Variants in DENND4C observed in about 807,000 individuals in gnomAD.
The protein encoded by DENND4C is DENN domain-containing protein 4C.
In DENND4C, 108 loss-of-function variants were observed where a neutral mutation model predicts 203.0. That is an observed-to-expected ratio of 0.53 (90% CI 0.46 to 0.62). DENND4C has a LOEUF of 0.62. Among genes scored for constraint, DENND4C ranks in the 20% least tolerant of loss-of-function variants. The pLI, the probability that DENND4C is intolerant of heterozygous loss-of-function variation, is 0.00. For missense variants in DENND4C, 2,481 were observed against 2,301.2 expected (o/e 1.08, Z -1.60); for synonymous variants, 871 against 792.4 (o/e 1.10, Z -1.67).
At chr9:19,278,236 A>C (rs1833307514) in intron 2 of DENND4C, among the ~76,000 whole-genome samples, 1 of 151,986 alleles carries the variant, frequency 6.6e-6, no homozygotes, top group African/African-American at 2.4e-5. Context: ...CCCGGGTTCA[A>C]GTGATTCTCC....
chr9:19,283,134 G>C (rs1384683156), intron 2 of DENND4C, among the ~76,000 whole-genome samples: 1 of 151,754 alleles, frequency 6.6e-6, no homozygotes, highest in Non-Finnish European at 1.5e-5. Context: ...TAAAGTGCTG[G>C]GATTATAGAT....
intron 30 of DENND4C, among the ~76,000 whole-genome samples, chr9:19,364,527 C>T (rs188871453): frequency 2.5e-4 from 38 of 152,232 alleles, no homozygotes; most frequent in Middle Eastern, 6.8e-3. Flanking sequence ...GCACCCTGCT[C>T]ATAAAGCAGG....
At position 19,328,149 on chromosome 9, in the gene DENND4C, A is replaced by G. The variant is rs1818218316; in HGVS notation, c.2240A>G (p.Lys747Arg). 6.2e-7 allele frequency: 1 copy of G among 1,609,264 alleles called. No homozygotes were observed. The highest frequency in any genetic ancestry group is 8.5e-7 in the Non-Finnish European group (1 of 1,178,708). ...ACAAAGAGTCCACCTCTCATGGCTA[A>G]GAGAACTAAACAGGTCAGATATTCT... ...SITKSPPLMA[K>R]RTKQEIKTAH... The change falls in exon 16 of 33, where the codon AAG becomes AGG. Residue 747 changes from lysine (K) to arginine (R), a missense_variant. Lys to Arg is a conservative substitution (Grantham distance 26). This residue lies in a region of DENND4C where 2,289 missense variants were observed against 2,113.3 expected (regional missense o/e 1.08). Coordinates refer to ENST00000434457, the MANE Select transcript of DENND4C (RefSeq NM_001330640.2).
At chr9:19,334,290 A>T (rs538611057) in intron 17 of DENND4C, among the ~76,000 whole-genome samples, 60 of 152,174 alleles carry the variant, frequency 3.9e-4, no homozygotes, top group African/African-American at 1.3e-3. Flanking sequence ...ACCTCAGGTG[A>T]TCTGCCTGCC....
chr9:19,234,910 A>G (rs1329731), intron 1 of DENND4C, among the ~76,000 whole-genome samples: 42,243 of 150,898 alleles, frequency 0.28, 5,968 homozygotes, highest in Admixed American at 0.31. Context: ...CCATGGGTCT[A>G]TGCCAAATTA....
chr9:19,330,333 GTT>G (rs398010417), intron 16 of DENND4C, among the ~76,000 whole-genome samples: 25,791 of 96,772 alleles, frequency 0.27, 2,964 homozygotes, highest in East Asian at 0.37. Context: ...TACCAAGTTG[GTT>G]TTTTTTTTTT....
At chr9:19,356,171 T>C (rs905888071) in intron 26 of DENND4C, among the ~76,000 whole-genome samples, 6 of 152,114 alleles carry the variant, frequency 3.9e-5, no homozygotes, top group African/African-American at 1.4e-4. Context: ...CACCTATCTG[T>C]CTCTCCACCA....
chr9:19,269,682 T>G (rs774631462), intron 1 of DENND4C, among the ~76,000 whole-genome samples: 2 of 152,212 alleles, frequency 1.3e-5, no homozygotes, highest in African/African-American at 2.4e-5. Context: ...TCATTGAGCT[T>G]CTTTAAAACA....
At chr9:19,371,904 TAA>T in intron 32 of DENND4C, 84 bp downstream of exon 32, 1 of 1,276,112 alleles carries the variant, frequency 7.8e-7, no homozygotes, top group Non-Finnish European at 1.1e-6. Flanking sequence ...CTGGTATGTA[TAA>T]AAGATTTAAA....
At chr9:19,270,577 T>G (rs571884140) in intron 1 of DENND4C, among the ~76,000 whole-genome samples, 1 of 152,368 alleles carries the variant, frequency 6.6e-6, no homozygotes, top group East Asian at 1.9e-4. Context: ...TATATCACAT[T>G]TTTAAAAATC....
In DENND4C at chr9:19,342,774, G is replaced by T; in HGVS notation, c.3146G>T (p.Ser1049Ile). ...TTTGATGTCAACAGCAGGAAAAGTA[G>T]CACTGGTGAGTCTTTACATTTTGGT... is the stretch of plus-strand genomic sequence containing the variant. ...GIFDVNSRKS[S>I]TGSISNVLFS... The change falls in exon 22 of 33, where the codon AGC (serine) becomes ATC (isoleucine). Residue 1049 changes from serine to isoleucine, a missense_variant. Coordinates refer to ENST00000434457, the MANE Select transcript of DENND4C (RefSeq NM_001330640.2). 6.2e-7 allele frequency: 1 copy of T among 1,600,438 alleles called. No individual in the cohort carries two copies. The highest frequency in any genetic ancestry group is 8.5e-7 in the Non-Finnish European group (1 of 1,174,590).
chr9:19,373,518 C>CT lies in DENND4C; in HGVS notation c.*1347dup, dbSNP rs1481686432. 1 of 152,526 alleles carries CT rather than the reference C, an allele frequency of 6.6e-6. No individual in the cohort carries two copies. Among genetic ancestry groups the CT allele is most frequent in the Admixed American group, 6.5e-5 (1 of 15,274 alleles). The allele number at this position is 152,526 out of a possible 1,614,324, so 9.4% of individuals were successfully genotyped here. A position where few individuals can be genotyped will look rare whatever the true frequency, so the allele number is the denominator to read the frequency against. On this transcript the variant is annotated 3_prime_UTR_variant, in exon 33 of 33. Transcript: ENST00000434457. ...ATTCTTGTATATTTAGATTTGTATGCTTGTGAGTAAAAATGTGCATTTGTA... is the reference window on the plus strand; with the variant it reads ...ATTCTTGTATATTTAGATTTGTATGCTTTGTGAGTAAAAATGTGCATTTGTA...
intron 27 of DENND4C, 185 bp downstream of exon 27, chr9:19,357,339 C>G (rs1329296802): frequency 5.5e-6 from 3 of 546,486 alleles, no homozygotes; most frequent in Non-Finnish European, 9.5e-6. Context: ...CATTTTTGAA[C>G]TAAGTTTAAT....
At chr9:19,299,310 A>T (rs1222410197) in intron 8 of DENND4C, 23 bp downstream of exon 8, 1 of 1,494,402 alleles carries the variant, frequency 6.7e-7, no homozygotes, top group Non-Finnish European at 9.1e-7. Flanking sequence ...ATTTAAAATG[A>T]TATATTTATT....
In DENND4C at chr9:19,316,727, A is replaced by C. The variant is rs748713253; in HGVS notation, c.1695A>C (p.Ala565=). The C allele has an allele frequency of 5.6e-6, 9 of 1,614,082 alleles. No individual in the cohort carries two copies. Among genetic ancestry groups the C allele is most frequent in the Non-Finnish European group, 3.4e-6 (4 of 1,179,990 alleles). Residue 565 remains alanine, a synonymous_variant, in exon 12 of 33, where the codon GCA becomes GCC. Coordinates refer to ENST00000434457, the MANE Select transcript of DENND4C (RefSeq NM_001330640.2). ...AGCTTGAGATGGAAATTCAAGAGGC[A>C]TTTTTGCGCTTTATGGCGTCTATTT... ...MTQLEMEIQE[A]FLRFMASILK...
intron 1 of DENND4C, among the ~76,000 whole-genome samples, chr9:19,252,049 C>T (rs1312093629): frequency 6.6e-6 from 1 of 152,158 alleles, no homozygotes; most frequent in Non-Finnish European, 1.5e-5. Context: ...CTGTATTAGT[C>T]TGTTCTCACG....
At position 19,342,615 on chromosome 9, in the gene DENND4C, C is replaced by T. The variant is rs754185325; in HGVS notation, c.3005-18C>T. 7.6e-6 allele frequency: 12 copies of T among 1,576,390 alleles called. No homozygotes were observed. The highest frequency in any genetic ancestry group is 1.0e-5 in the Non-Finnish European group (12 of 1,165,282). On this transcript the variant is annotated intron_variant, in intron 21 of 32. Transcript: ENST00000434457. ...TTGGCAAAAGTAGGAATGATAACAT[C>T]CAAATATTTTTTTCCAGAGGTGTGT... is the stretch of plus-strand genomic sequence containing the variant.
intron 1 of DENND4C, among the ~76,000 whole-genome samples, chr9:19,231,609 G>T (rs1351256829): frequency 6.7e-6 from 1 of 150,234 alleles, no homozygotes; most frequent in Non-Finnish European, 1.5e-5. Context: ...TCTTTTATCT[G>T]CACTAATAAG....
intron 19 of DENND4C, 98 bp from the exon 20 acceptor site, chr9:19,336,588 A>G (rs1403176960): frequency 1.4e-6 from 2 of 1,441,316 alleles, no homozygotes; most frequent in Non-Finnish European, 1.8e-6. Flanking sequence ...AAATTTAGAA[A>G]GTGTTCTGCA....
Sources: gnomAD v4.1 joint callset for allele counts (sites outside exome capture counted in the v4.1 genomes callset) on GRCh38, gnomAD v4.1.1 for gene constraint, gnomAD v4.1.1 regional missense constraint, MANE v1.5 for transcripts, NCBI Gene and HGNC (gene_info 2026-07-23, HGNC 2026-07-21) for gene names.